Variants in DNAH11 observed in about 807,000 individuals in gnomAD.
DNAH11 encodes the protein axonemal beta dynein heavy chain 11.
A neutral mutation model predicts 526.0 loss-of-function variants in DNAH11; 442 were observed. The observed-to-expected ratio is 0.84, with a 90% CI of 0.78 to 0.91. The LOEUF is 0.91. Among genes scored for constraint, DNAH11 ranks in the 40% least tolerant of loss-of-function variants. The pLI is 0.00. For synonymous variants in DNAH11, 2,461 were observed against 1,935.9 expected (o/e 1.27, Z -7.12); for missense variants, 6,989 against 5,448.7 (o/e 1.28, Z -8.90).
chr7:21,609,715 A>C (rs2128450111), intron 20 of DNAH11, among the ~76,000 whole-genome samples: 1 of 152,358 alleles, frequency 6.6e-6, no homozygotes. Flanking sequence ...GGAGTTCACA[A>C]GAACATAAAA....
intron 49 of DNAH11, 56 bp downstream of exon 49, chr7:21,742,222 T>C: frequency 1.3e-6 from 2 of 1,557,646 alleles, no homozygotes; most frequent in African/African-American, 1.4e-5. Context: ...GATAATACTA[T>C]GTATTAGCCC....
chr7:21,805,249 T>G (rs1462072768), intron 62 of DNAH11, among the ~76,000 whole-genome samples: 1 of 152,230 alleles, frequency 6.6e-6, no homozygotes, highest in Non-Finnish European at 1.5e-5. Flanking sequence ...ATTTATTGCA[T>G]GAACGTAGTT....
At chr7:21,658,725 A>T in intron 29 of DNAH11, 73 bp from the exon 30 acceptor site, 1 of 1,335,916 alleles carries the variant, frequency 7.5e-7, no homozygotes, top group Non-Finnish European at 1.0e-6. Flanking sequence ...GCGTGGCCTT[A>T]GAGCCAGTAG....
Position 21,763,472 on chromosome 7 carries a change from T to C in DNAH11, c.8941-1956T>C, listed in dbSNP as rs117970028. On this transcript the variant is annotated intron_variant, in intron 54 of 81. Transcript: ENST00000409508. Reference sequence around the variant, plus strand: ...AAGCATCACCTCACATAGGTTAGGATAGTCATTATTTAAAAAAGCAAAAGC... The same window carrying C: ...AAGCATCACCTCACATAGGTTAGGACAGTCATTATTTAAAAAAGCAAAAGC... Among the ~76,000 whole-genome samples, 198 of 150,694 alleles carry C rather than the reference T, an allele frequency of 1.3e-3. 1 individual carries two copies. In the East Asian group the frequency reaches 0.033, roughly 25 times the overall value.
At chr7:21,759,053 A>G (rs1042320253) in intron 54 of DNAH11, among the ~76,000 whole-genome samples, 5 of 152,202 alleles carry the variant, frequency 3.3e-5, no homozygotes, top group Admixed American at 6.5e-5. Flanking sequence ...ATACGTTGTT[A>G]TGGGGCTAGA....
intron 44 of DNAH11, among the ~76,000 whole-genome samples, 191 bp from the exon 45 acceptor site, chr7:21,725,620 G>A (rs1396071607): frequency 1.3e-5 from 2 of 152,098 alleles, no homozygotes; most frequent in African/African-American, 2.4e-5. Context: ...ATTGAATAAC[G>A]AACAGGTAAT....
chr7:21,797,793 A>G (rs571118228), intron 61 of DNAH11, among the ~76,000 whole-genome samples: 1 of 152,272 alleles, frequency 6.6e-6, no homozygotes, highest in Admixed American at 6.5e-5. Context: ...ACTTTTACCC[A>G]AACATTTGCC....
At chr7:21,679,289 G>A (rs1383110928) in intron 30 of DNAH11, among the ~76,000 whole-genome samples, 5 of 152,152 alleles carry the variant, frequency 3.3e-5, no homozygotes, top group African/African-American at 9.7e-5. Flanking sequence ...TTCAGTTATA[G>A]CATGAATAAG....
chr7:21,629,057 C>G (rs886181001), intron 25 of DNAH11, among the ~76,000 whole-genome samples: 2 of 152,038 alleles, frequency 1.3e-5, no homozygotes, highest in Admixed American at 1.3e-4. Flanking sequence ...AAACTTTCCT[C>G]TTATTACTGG....
intron 61 of DNAH11, among the ~76,000 whole-genome samples, chr7:21,793,993 C>T (rs918265182): frequency 2.0e-5 from 3 of 152,160 alleles, no homozygotes; most frequent in Non-Finnish European, 4.4e-5. Flanking sequence ...TTTCAAATAG[C>T]CTGTCTTTGA....
chr7:21,888,451 C>G (rs934329477), intron 76 of DNAH11, among the ~76,000 whole-genome samples: 7 of 152,068 alleles, frequency 4.6e-5, no homozygotes, highest in Admixed American at 2.6e-4. Context: ...TTTCTAATAA[C>G]TGTGCCTGCC....
At chr7:21,815,111 T>C (rs1273395269) in intron 63 of DNAH11, among the ~76,000 whole-genome samples, 1 of 152,152 alleles carries the variant, frequency 6.6e-6, no homozygotes. Context: ...GATCCCTGGC[T>C]CTCTACTCTG....
intron 80 of DNAH11, among the ~76,000 whole-genome samples, chr7:21,899,650 G>A (rs1375661755): frequency 6.6e-6 from 1 of 152,178 alleles, no homozygotes; most frequent in Non-Finnish European, 1.5e-5. Flanking sequence ...ACCTCCTATA[G>A]CAGCAAGAGT....
At chr7:21,743,533 C>T (rs1258418809) in intron 49 of DNAH11, among the ~76,000 whole-genome samples, 1 of 152,116 alleles carries the variant, frequency 6.6e-6, no homozygotes, top group Non-Finnish European at 1.5e-5. Context: ...AATACGAAAA[C>T]TCCATAGGAC....
At chr7:21,780,862 G>A (rs891351528) in intron 57 of DNAH11, among the ~76,000 whole-genome samples, 1 of 152,126 alleles carries the variant, frequency 6.6e-6, no homozygotes, top group South Asian at 2.1e-4. Flanking sequence ...TTGACAAGCA[G>A]GGGTCTCTCA....
intron 56 of DNAH11, among the ~76,000 whole-genome samples, chr7:21,777,896 C>T (rs753851716): frequency 1.1e-4 from 17 of 152,146 alleles, no homozygotes; most frequent in Non-Finnish European, 1.9e-4. Context: ...AATGGGGCGT[C>T]GTTCCACAAG....
Position 21,600,007 on chromosome 7 carries a change from G to A in DNAH11, c.2888G>A (p.Arg963Lys). ...ATTGTGTTTAAACCTTCCCTAGACA[G>A]AGAGGCTGGGGATGGCTTCTATGAT... ...PEIVFKPSLD[R>K]EAGDGFYDLV... Residue 963 changes from arginine to lysine, a missense_variant, in exon 15 of 82, where the codon AGA becomes AAA. Arg to Lys is a conservative substitution (Grantham distance 26, BLOSUM62 2). Transcript: ENST00000409508. The A allele has an allele frequency of 6.2e-7, 1 of 1,613,396 alleles. No homozygotes were observed. Among genetic ancestry groups the A allele is most frequent in the Non-Finnish European group, 8.5e-7 (1 of 1,179,572 alleles).
Position 21,749,787 on chromosome 7 carries a change from A to T in DNAH11, c.8783A>T (p.Asp2928Val). Reference protein sequence around the residue: ...LDESFLVLINDLLASGEIPDL... With the variant: ...LDESFLVLINVLLASGEIPDL... The stretch of plus-strand genomic sequence containing the variant: ...GAGAGCTTCCTCGTGCTGATTAATG[A>T]CTTGCTGGCATCAGGTGATTAAACC... The change falls in exon 53 of 82, where the codon GAC becomes GTC. Residue 2928 changes from aspartate to valine, a missense_variant. Asp to Val is a radical substitution (Grantham distance 152). Transcript: ENST00000409508. The T allele has an allele frequency of 3.7e-6, 6 of 1,613,902 alleles. No homozygotes were observed. Among genetic ancestry groups the T allele is most frequent in the Non-Finnish European group, 5.1e-6 (6 of 1,179,822 alleles).
At chr7:21,740,812 G>T (rs115195042) in intron 48 of DNAH11, among the ~76,000 whole-genome samples, 1,811 of 152,292 alleles carry the variant, frequency 0.012, 41 homozygotes, top group African/African-American at 0.041. Flanking sequence ...TGTTTTCCAT[G>T]ACAACTATAC....
Sources: allele counts gnomAD v4.1 joint callset (sites outside exome capture counted in the v4.1 genomes callset), GRCh38; gene constraint gnomAD v4.1.1; transcripts MANE v1.5; gene names NCBI Gene and HGNC (gene_info 2026-07-23, HGNC 2026-07-21).